CCDC138: variants seen among roughly 807,000 people sequenced by gnomAD.
CCDC138 encodes coiled-coil domain-containing protein 138.
Under a neutral mutation model 82.3 loss-of-function variants are expected in CCDC138, and 66 were observed. The observed-to-expected ratio is 0.80, with a 90% CI of 0.66 to 0.98. The LOEUF is 0.98. Ranked by LOEUF, CCDC138 falls within the 50% of genes least tolerant of loss-of-function variation. CCDC138 has a pLI of 0.00. For missense variants in CCDC138, 816 were observed against 758.9 expected (o/e 1.08, Z -0.88); for synonymous variants, 297 against 265.4 (o/e 1.12, Z -1.16).
intron 6 of CCDC138, among the ~76,000 whole-genome samples, chr2:108,800,608 C>CTTTTT (rs67529329): frequency 3.6e-4 from 12 of 33,492 alleles, no homozygotes; most frequent in African/African-American, 7.1e-4. Context: ...CTCAGTTTAG[C>CTTTTT]TTTTTTTTTT....
intron 1 of CCDC138, among the ~76,000 whole-genome samples, chr2:108,881,875 GGCTCACT>G (rs1397360195): frequency 5.3e-5 from 8 of 152,148 alleles, no homozygotes; most frequent in African/African-American, 1.9e-4. Flanking sequence ...CAGGCACGAT[GGCTCACT>G]CTTGTAACCC....
At chr2:108,798,320 C>A in intron 5 of CCDC138, 108 bp from the exon 6 acceptor site, 2 of 1,192,818 alleles carry the variant, frequency 1.7e-6, no homozygotes, top group South Asian at 3.1e-5. Flanking sequence ...TTAGGTACCC[C>A]TGTATTCCTG....
At chr2:108,796,552 A>G (rs534092826) in intron 5 of CCDC138, among the ~76,000 whole-genome samples, 28 of 152,208 alleles carry the variant, frequency 1.8e-4, no homozygotes, top group Non-Finnish European at 3.4e-4. Flanking sequence ...AGCTCTGTTC[A>G]TAATAACCGA....
At chr2:108,797,108 A>G (rs1681041672) in intron 5 of CCDC138, among the ~76,000 whole-genome samples, 1 of 152,332 alleles carries the variant, frequency 6.6e-6, no homozygotes, top group South Asian at 2.1e-4. Context: ...GGTTGGGAAC[A>G]ATTAGCATAT....
chr2:108,800,132 G>T (rs1163712138), intron 6 of CCDC138, among the ~76,000 whole-genome samples: 1 of 151,952 alleles, frequency 6.6e-6, no homozygotes, highest in Non-Finnish European at 1.5e-5. Flanking sequence ...TTGGTTCTTT[G>T]TATGTTCAGT....
chr2:108,816,584 C>T (rs1189492950), intron 10 of CCDC138, among the ~76,000 whole-genome samples: 1 of 152,122 alleles, frequency 6.6e-6, no homozygotes, highest in Non-Finnish European at 1.5e-5. Flanking sequence ...AGGTCTGTCT[C>T]CCTTTTATAA....
At chr2:108,811,245 C>CTTTTTTTTTTTTTTTTTTTTTTTTTT (rs144518921) in intron 7 of CCDC138, among the ~76,000 whole-genome samples, 11 of 109,608 alleles carry the variant, frequency 1.0e-4, no homozygotes, top group Non-Finnish European at 1.5e-4. Context: ...CTTTCTCTCT[C>CTTTTTTTTTTTTTTTTTTTTTTTTTT]TCTTTTTTTT....
intron 10 of CCDC138, among the ~76,000 whole-genome samples, chr2:108,836,315 ATGT>A: frequency 1.3e-5 from 2 of 152,284 alleles, no homozygotes; most frequent in Middle Eastern, 3.4e-3. Context: ...AGGTTCGTCC[ATGT>A]TGTAGCATGT....
chr2:108,798,442 A>G lies in CCDC138; in HGVS notation c.591A>G (p.Ala197=). 1 of 1,612,916 alleles carries G rather than the reference A, an allele frequency of 6.2e-7. No individual in the cohort carries two copies. Among genetic ancestry groups the G allele is most frequent in the Non-Finnish European group, 8.5e-7 (1 of 1,179,578 alleles). Residue 197 remains alanine, a synonymous_variant, in exon 6 of 15, where the codon GCA becomes GCG. Transcript: ENST00000295124. The part of the protein sequence containing the change: ...IHLKLQCETA[A]QQKFAEELQK... ...TTTTGATACAGTGTGAAACTGCAGC[A>G]CAACAGAAATTTGCTGAAGAACTTC...
intron 11 of CCDC138, among the ~76,000 whole-genome samples, chr2:108,844,973 C>T (rs898511944): frequency 3.3e-5 from 5 of 152,176 alleles, no homozygotes; most frequent in South Asian, 4.2e-4. Context: ...GTCTTGATAT[C>T]CTGACCTTGT....
intron 7 of CCDC138, 140 bp from the exon 8 acceptor site, chr2:108,812,491 C>G: frequency 1.6e-6 from 1 of 631,132 alleles, no homozygotes; most frequent in Non-Finnish European, 2.8e-6. Context: ...CAGTTGTGAT[C>G]TAAGTTAATC....
At chr2:108,803,739 T>A (rs1489561761) in intron 6 of CCDC138, among the ~76,000 whole-genome samples, 1 of 152,234 alleles carries the variant, frequency 6.6e-6, no homozygotes. Flanking sequence ...CCCATCACAA[T>A]GTCCTCCCCT....
At chr2:108,822,464 A>G (rs1015692911) in intron 10 of CCDC138, among the ~76,000 whole-genome samples, 2 of 152,330 alleles carry the variant, frequency 1.3e-5, no homozygotes, top group African/African-American at 4.8e-5. Context: ...TGTCAGACAT[A>G]TACAGAACAC....
At chr2:108,862,772 G>T (rs1173703623) in intron 13 of CCDC138, among the ~76,000 whole-genome samples, 2 of 151,780 alleles carry the variant, frequency 1.3e-5, no homozygotes, top group Non-Finnish European at 2.9e-5. Flanking sequence ...TCCACAAACG[G>T]TTTTCTTGAT....
At chr2:108,795,193 C>T (rs991995375) in intron 5 of CCDC138, among the ~76,000 whole-genome samples, 4 of 105,340 alleles carry the variant, frequency 3.8e-5, no homozygotes, top group Non-Finnish European at 6.9e-5. Context: ...CTTGCTGTAT[C>T]ACCCAGGCTG....
At chr2:108,800,100 T>C (rs1233027698) in intron 6 of CCDC138, among the ~76,000 whole-genome samples, 1 of 152,224 alleles carries the variant, frequency 6.6e-6, no homozygotes, top group East Asian at 1.9e-4. Flanking sequence ...TTATCTTTTT[T>C]CTTGAGGCTT....
intron 13 of CCDC138, among the ~76,000 whole-genome samples, chr2:108,860,030 A>T (rs1316962969): frequency 6.6e-6 from 1 of 151,814 alleles, no homozygotes; most frequent in Non-Finnish European, 1.5e-5. Flanking sequence ...TCCTGGTTAG[A>T]TGTATTCCTA....
intron 7 of CCDC138, among the ~76,000 whole-genome samples, chr2:108,806,949 G>A (rs1208960026): frequency 3.9e-5 from 6 of 152,186 alleles, no homozygotes; most frequent in Admixed American, 1.3e-4. Context: ...GGGACTGGGT[G>A]AATTAGAGGG....
downstream of CCDC138, among the ~76,000 whole-genome samples, chr2:108,880,228 A>C (rs13000451): frequency 1.3e-3 from 13 of 9,870 alleles, 1 homozygote; most frequent in East Asian, 0.034. Context: ...AACAAACAAA[A>C]AAAAAAACGA....
Sources: gnomAD v4.1 joint callset for allele counts (sites outside exome capture counted in the v4.1 genomes callset) on GRCh38, gnomAD v4.1.1 for gene constraint, MANE v1.5 for transcripts, NCBI Gene and HGNC (gene_info 2026-07-23, HGNC 2026-07-21) for gene names.